GNA14: variants seen among roughly 807,000 people sequenced by gnomAD.
The protein encoded by GNA14 is guanine nucleotide-binding protein subunit alpha-14.
In GNA14, 50 loss-of-function variants were observed where a neutral mutation model predicts 42.0. That is an observed-to-expected ratio of 1.19 (90% CI 0.95 to 1.51). The LOEUF is 1.51. GNA14 is among the 40% of genes most tolerant of loss of function. The pLI is 0.00. For synonymous variants in GNA14, 173 were observed against 163.1 expected, an observed-to-expected ratio of 1.06 and a Z score of -0.46; for missense variants, 473 against 446.2, an observed-to-expected ratio of 1.06 and a Z score of -0.54.
rs532486309 is a variant in GNA14, at chr9:77,518,964, G to C, written c.309+10105C>G. Reference sequence around the variant, plus strand: ...CTTAAATTAAACCTGACAGGGTTTTGGTGTCAGAAATCAAGGTCAAGTACA... The same window carrying C: ...CTTAAATTAAACCTGACAGGGTTTTCGTGTCAGAAATCAAGGTCAAGTACA... On this transcript the variant is annotated intron_variant, in intron 2 of 6. Transcript: ENST00000341700. Among the ~76,000 whole-genome samples, 30 of 152,226 alleles carry C rather than the reference G, an allele frequency of 2.0e-4. No homozygotes were observed. The South Asian group carries it at 6.2e-3, about 32-fold the overall frequency.
chr9:77,435,460 C>T (rs542620214), intron 2 of GNA14, among the ~76,000 whole-genome samples: 3 of 152,124 alleles, frequency 2.0e-5, no homozygotes, highest in Non-Finnish European at 4.4e-5. Flanking sequence ...ACACAGTCTG[C>T]TTTTCATTTT....
chr9:77,467,444 G>A (rs1836255879), intron 2 of GNA14, among the ~76,000 whole-genome samples: 1 of 151,220 alleles, frequency 6.6e-6, no homozygotes, highest in African/African-American at 2.4e-5. Context: ...TGGAGCCCTT[G>A]GGGTGAACAT....
At chr9:77,620,654 CTGGCCAGCA>C (rs1258807657) in intron 1 of GNA14, among the ~76,000 whole-genome samples, 1 of 152,032 alleles carries the variant, frequency 6.6e-6, no homozygotes, top group Non-Finnish European at 1.5e-5. Flanking sequence ...CGAGACCAGC[CTGGCCAGCA>C]TGGCGAAACC....
chr9:77,574,388 G>T (rs1388186296), intron 1 of GNA14, among the ~76,000 whole-genome samples: 1 of 152,198 alleles, frequency 6.6e-6, no homozygotes, highest in Non-Finnish European at 1.5e-5. Context: ...ATCAAGATTT[G>T]TGTTTCCTTC....
At chr9:77,607,968 TTTGGGG>T (rs1823665734) in intron 1 of GNA14, among the ~76,000 whole-genome samples, 1 of 152,132 alleles carries the variant, frequency 6.6e-6, no homozygotes, top group South Asian at 2.1e-4. Context: ...AACATCTGAA[TTTGGGG>T]TAGGGGGAAC....
chr9:77,630,416 C>A (rs1259832456), intron 1 of GNA14, among the ~76,000 whole-genome samples: 1 of 151,930 alleles, frequency 6.6e-6, no homozygotes, highest in Non-Finnish European at 1.5e-5. Flanking sequence ...CCATGCCTGG[C>A]CAAGAGAGTA....
Position 77,585,410 on chromosome 9 carries a change from A to G in GNA14, c.125-56157T>C, listed in dbSNP as rs553660102. Among the ~76,000 whole-genome samples the G allele has an allele frequency of 5.3e-5, 8 of 152,352 alleles. No homozygotes were observed. In the South Asian group the frequency reaches 1.7e-3, roughly 32 times the overall value. ...GTAAGGGTGTCTCCCTCTCGGTACC[A>G]GGAAGAGAAGGATGACTCACTATAG... On this transcript the variant is annotated intron_variant, in intron 1 of 6. Transcript: ENST00000341700.
At chr9:77,635,390 A>G (rs1257502814) in intron 1 of GNA14, 1 of 152,234 alleles carries the variant, frequency 6.6e-6, no homozygotes, top group Non-Finnish European at 1.5e-5. Flanking sequence ...AAGATCGCAT[A>G]TAAGACCACT....
At chr9:77,589,444 G>C (rs1039013642) in intron 1 of GNA14, among the ~76,000 whole-genome samples, 1 of 152,112 alleles carries the variant, frequency 6.6e-6, no homozygotes, top group African/African-American at 2.4e-5. Context: ...ATGGTTCCTG[G>C]AAGAGCGGAG....
chr9:77,487,261 C>T (rs1836677828), intron 2 of GNA14, among the ~76,000 whole-genome samples: 1 of 151,988 alleles, frequency 6.6e-6, no homozygotes, highest in Non-Finnish European at 1.5e-5. Context: ...AAAGTCGTTT[C>T]TTTCTGGAAT....
intron 2 of GNA14, among the ~76,000 whole-genome samples, chr9:77,489,894 G>T (rs1049574845): frequency 6.6e-6 from 1 of 152,094 alleles, no homozygotes; most frequent in Non-Finnish European, 1.5e-5. Context: ...TCCACAATGT[G>T]GAAGGGGACC....
intron 2 of GNA14, among the ~76,000 whole-genome samples, chr9:77,437,735 A>G (rs1388516750): frequency 6.6e-6 from 1 of 152,192 alleles, no homozygotes; most frequent in African/African-American, 2.4e-5. Flanking sequence ...GAAGCATGAG[A>G]CAAGATGGCG....
intron 1 of GNA14, among the ~76,000 whole-genome samples, chr9:77,645,592 T>A (rs1031598637): frequency 6.6e-6 from 1 of 152,096 alleles, no homozygotes; most frequent in African/African-American, 2.4e-5. Flanking sequence ...AGGAGGAGGG[T>A]TGGAGCAATG....
intron 2 of GNA14, among the ~76,000 whole-genome samples, chr9:77,444,453 A>T (rs1223422351): frequency 6.6e-6 from 1 of 152,198 alleles, no homozygotes; most frequent in East Asian, 1.9e-4. Flanking sequence ...CTGCACTGTC[A>T]GGATGGTGAC....
chr9:77,553,037 G>A (rs1265964755), intron 1 of GNA14, among the ~76,000 whole-genome samples: 2 of 152,060 alleles, frequency 1.3e-5, no homozygotes, highest in African/African-American at 4.8e-5. Context: ...ATGACCTGCT[G>A]GAAAAACACA....
At chr9:77,542,139 G>A (rs1187243822) in intron 1 of GNA14, among the ~76,000 whole-genome samples, 3 of 152,080 alleles carry the variant, frequency 2.0e-5, no homozygotes. Context: ...GATATCTGGT[G>A]TAACAGTCCA....
chr9:77,638,888 C>T (rs116244366), intron 1 of GNA14, among the ~76,000 whole-genome samples: 1,939 of 152,160 alleles, frequency 0.013, 41 homozygotes, highest in African/African-American at 0.044. Context: ...TGGCAATTTC[C>T]TGGGATAATA....
intron 2 of GNA14, among the ~76,000 whole-genome samples, chr9:77,528,299 CAT>C (rs1312002063): frequency 6.6e-6 from 1 of 152,094 alleles, no homozygotes; most frequent in African/African-American, 2.4e-5. Context: ...TCTTTATCAT[CAT>C]GTCATGTTGT....
chr9:77,463,191 A>G (rs1253677817), intron 2 of GNA14, among the ~76,000 whole-genome samples: 4 of 152,176 alleles, frequency 2.6e-5, no homozygotes, highest in Non-Finnish European at 1.5e-5. Flanking sequence ...TGGGACTGTA[A>G]AAACTCCCAC....
Sources: gnomAD v4.1 joint callset for allele counts (sites outside exome capture counted in the v4.1 genomes callset) on GRCh38, gnomAD v4.1.1 for gene constraint, MANE v1.5 for transcripts, NCBI Gene and HGNC (gene_info 2026-07-23, HGNC 2026-07-21) for gene names.